Variants in INO80D observed in about 807,000 individuals in gnomAD.
INO80D encodes the protein INO80 complex subunit D.
Under a neutral mutation model 87.6 loss-of-function variants are expected in INO80D, and 21 were observed. That is an observed-to-expected ratio of 0.24 (90% confidence interval 0.17 to 0.35). INO80D has a LOEUF of 0.35. Ranked by LOEUF, INO80D falls within the 10% of genes least tolerant of loss-of-function variation. The probability of loss-of-function intolerance (pLI) is 1.00; values close to 1 mark genes in which losing one functional copy is unlikely to be tolerated. For synonymous variants in INO80D, 440 were observed against 491.0 expected (o/e 0.90, Z 1.37); for missense variants, 982 against 1,280.7 (o/e 0.77, Z 3.56).
At chr2:206,067,318 A>T (rs1041398530) in intron 1 of INO80D, among the ~76,000 whole-genome samples, 4 of 151,986 alleles carry the variant, frequency 2.6e-5, no homozygotes, top group Non-Finnish European at 4.4e-5. Context: ...AAGGTAGGGG[A>T]AAGAAGAGAA....
chr2:206,070,795 C>A (rs1689941306), intron 1 of INO80D, among the ~76,000 whole-genome samples: 1 of 151,254 alleles, frequency 6.6e-6, no homozygotes, highest in African/African-American at 2.4e-5. Flanking sequence ...AAATAAAATT[C>A]TTGGGTTGTG....
At chr2:206,060,208 G>GA (rs1689651207) in intron 3 of INO80D, among the ~76,000 whole-genome samples, 1 of 150,644 alleles carries the variant, frequency 6.6e-6, no homozygotes, top group African/African-American at 2.4e-5. Context: ...CCATCTCAAA[G>GA]AAAAAAAAGA....
chr2:206,005,334 G>C lies in INO80D; in HGVS notation c.2118C>G (p.Ser706Arg). The change falls in exon 11 of 11, where the codon AGC becomes AGG. Residue 706 changes from serine to arginine, a missense_variant. By Grantham distance (110) the Ser-to-Arg change is moderately radical (BLOSUM62 -1). Coordinates refer to ENST00000403263, the MANE Select transcript of INO80D (RefSeq NM_017759.5). ...GTGASGIQSL[S>R]REVNTDLGEL... is the part of the protein sequence containing the mutation. ...CCCCTAGGTCTGTGTTCACCTCTCG[G>C]CTCAAGGATTGTATTCCTGAAGCTC... 6.2e-7 allele frequency: 1 copy of C among 1,613,958 alleles called. No homozygotes were observed. Among genetic ancestry groups the C allele is most frequent in the Non-Finnish European group, 8.5e-7 (1 of 1,179,882 alleles).
At position 205,994,671 on chromosome 2, in the gene INO80D, T is replaced by C. The variant is rs1429625343; in HGVS notation, c.*9697A>G. 6.6e-6 allele frequency: 1 copy of C among 152,182 alleles called. No individual in the cohort carries two copies. The highest frequency in any genetic ancestry group is 2.4e-5 in the African/African-American group (1 of 41,446). 9.4% of individuals were successfully genotyped at this position (152,182 alleles called of 1,614,324 possible). On this transcript the variant is annotated 3_prime_UTR_variant, in exon 11 of 11. Coordinates refer to ENST00000403263, the MANE Select transcript of INO80D (RefSeq NM_017759.5). ...CTGTTTTTTGTAACATCTTACAATT[T>C]AGGATTGTCCATCTACCTTCCTCTC... is the stretch of plus-strand genomic sequence containing the variant.
At chr2:206,031,627 G>A (rs1011034491) in intron 5 of INO80D, among the ~76,000 whole-genome samples, 1 of 152,206 alleles carries the variant, frequency 6.6e-6, no homozygotes, top group Admixed American at 6.5e-5. Flanking sequence ...GCCCCAGATG[G>A]CACTTTACCC....
chr2:206,052,395 A>C (rs1689397934), intron 4 of INO80D, among the ~76,000 whole-genome samples: 1 of 152,076 alleles, frequency 6.6e-6, no homozygotes, highest in East Asian at 1.9e-4. Context: ...GGGTTTCACC[A>C]TGTTGGCCAA....
chr2:206,013,808 TAG>T (rs1266223048), intron 8 of INO80D, among the ~76,000 whole-genome samples: 4 of 131,318 alleles, frequency 3.0e-5, no homozygotes, highest in Non-Finnish European at 6.4e-5. Context: ...AAAAAGCATA[TAG>T]AAATTATTCC....
At chr2:206,006,626 T>C (rs1688032321) in intron 10 of INO80D, among the ~76,000 whole-genome samples, 1 of 143,872 alleles carries the variant, frequency 7.0e-6, no homozygotes, top group South Asian at 2.2e-4. Flanking sequence ...GAGGTTGCAA[T>C]GAGCCAAAAT....
chr2:206,025,200 TTCTC>T (rs1688571798), intron 6 of INO80D, among the ~76,000 whole-genome samples: 1 of 151,984 alleles, frequency 6.6e-6, no homozygotes, highest in African/African-American at 2.4e-5. Context: ...CCTAAATTTT[TTCTC>T]TATATATGTA....
intron 5 of INO80D, among the ~76,000 whole-genome samples, chr2:206,044,481 T>TTA (rs1174409294): frequency 1.2e-4 from 14 of 112,522 alleles, no homozygotes; most frequent in African/African-American, 4.7e-4. Context: ...AAATACCTGT[T>TTA]AAAAAAAAAA....
chr2:206,058,717 G>A (rs1170341089), intron 3 of INO80D, among the ~76,000 whole-genome samples: 2 of 152,084 alleles, frequency 1.3e-5, no homozygotes, highest in African/African-American at 2.4e-5. Flanking sequence ...CTGAGAGACA[G>A]AGCAAGACTC....
chr2:206,050,076 T>G (rs1276583959), intron 4 of INO80D, among the ~76,000 whole-genome samples: 1 of 151,798 alleles, frequency 6.6e-6, no homozygotes, highest in Non-Finnish European at 1.5e-5. Flanking sequence ...GAGGTTGCAA[T>G]GAGCTGAGAT....
At chr2:206,030,332 G>A (rs1447914209) in intron 5 of INO80D, among the ~76,000 whole-genome samples, 2 of 152,132 alleles carry the variant, frequency 1.3e-5, no homozygotes, top group African/African-American at 4.8e-5. Flanking sequence ...GTGTAGTGGT[G>A]TATTCCTGTA....
chr2:206,059,958 C>T (rs995260653), intron 3 of INO80D, among the ~76,000 whole-genome samples: 1 of 152,166 alleles, frequency 6.6e-6, no homozygotes, highest in Non-Finnish European at 1.5e-5. Flanking sequence ...AATCCCAACA[C>T]TTTGGGAGGC....
At chr2:206,036,183 G>C (rs1042596954) in intron 5 of INO80D, among the ~76,000 whole-genome samples, 1 of 152,172 alleles carries the variant, frequency 6.6e-6, no homozygotes, top group Non-Finnish European at 1.5e-5. Flanking sequence ...ACAGTGTGGA[G>C]ATTCCTTAAA....
rs1209310951 is a variant in INO80D at position 205,995,867 on chromosome 2, GAGTT to G, written c.*8497_*8500del. The stretch of plus-strand genomic sequence containing the variant: ...AAAGCAGTTTCATCATGAGAAAAAT[GAGTT>G]AGTTACAGAATTCAAGAGGCTAACA... On this transcript the variant is annotated 3_prime_UTR_variant, in exon 11 of 11. Transcript: ENST00000403263. 6.6e-6 allele frequency: 1 copy of G among 152,120 alleles called. No homozygotes were observed. The highest frequency in any genetic ancestry group is 6.6e-5 in the Admixed American group (1 of 15,266). 9.4% of individuals were successfully genotyped at this position (152,120 alleles called of 1,614,324 possible).
At chr2:206,048,317 T>C (rs1420553905) in intron 4 of INO80D, among the ~76,000 whole-genome samples, 1 of 152,106 alleles carries the variant, frequency 6.6e-6, no homozygotes, top group African/African-American at 2.4e-5. Flanking sequence ...CACTACAGCC[T>C]TGACCTCCCG....
intron 9 of INO80D, 116 bp downstream of exon 9, chr2:206,009,461 T>G (rs982575440): frequency 2.5e-6 from 2 of 801,710 alleles, no homozygotes; most frequent in Non-Finnish European, 3.9e-6. Context: ...TCTAGGCTGA[T>G]ATACTAAATG....
chr2:206,076,730 T>C (rs1421689910), intron 1 of INO80D, among the ~76,000 whole-genome samples: 1 of 152,214 alleles, frequency 6.6e-6, no homozygotes, highest in African/African-American at 2.4e-5. Flanking sequence ...TTCCCTGCTA[T>C]ATTAGAAAGG....
Sources: gnomAD v4.1 joint callset for allele counts (sites outside exome capture counted in the v4.1 genomes callset) on GRCh38, gnomAD v4.1.1 for gene constraint, MANE v1.5 for transcripts, NCBI Gene and HGNC (gene_info 2026-07-23, HGNC 2026-07-21) for gene names.